CALN1: variants seen among roughly 807,000 people sequenced by gnomAD.
CALN1 encodes calcium-binding protein 8.
CALN1 carries 17 observed loss-of-function variants against 30.6 expected under a neutral mutation model. That is an observed-to-expected ratio of 0.56 (90% CI 0.38 to 0.83). CALN1 has a LOEUF of 0.83. CALN1 is among the 40% of genes least tolerant of loss of function. CALN1 has a pLI of 0.00. For synonymous variants in CALN1, 156 were observed against 131.4 expected (o/e 1.19, Z -1.28); for missense variants, 291 against 354.9 (o/e 0.82, Z 1.45).
the CALN1 span, among the ~76,000 whole-genome samples, chr7:72,486,980 G>A: frequency 6.6e-6 from 1 of 152,118 alleles, no homozygotes; most frequent in Non-Finnish European, 1.5e-5. Flanking sequence ...CACATTCACG[G>A]GAGTATTCTT....
chr7:72,321,656 G>T (rs1052663911), intron 2 of CALN1, among the ~76,000 whole-genome samples: 1 of 152,180 alleles, frequency 6.6e-6, no homozygotes, highest in Non-Finnish European at 1.5e-5. Context: ...ACTAAAGTTG[G>T]TGAGGTGCCT....
At chr7:72,113,475 G>A (rs745801057) in intron 3 of CALN1, among the ~76,000 whole-genome samples, 3 of 152,168 alleles carry the variant, frequency 2.0e-5, no homozygotes, top group Non-Finnish European at 4.4e-5. Flanking sequence ...AAATTATCTA[G>A]CTTCAGGTTT....
At chr7:72,068,846 C>T (rs1283250290) in intron 4 of CALN1, among the ~76,000 whole-genome samples, 1 of 152,044 alleles carries the variant, frequency 6.6e-6, no homozygotes, top group East Asian at 1.9e-4. Flanking sequence ...AGCTACCTGA[C>T]ACAAGATGAT....
At chr7:71,804,548 G>A (rs931793355) in intron 6 of CALN1, among the ~76,000 whole-genome samples, 3 of 152,198 alleles carry the variant, frequency 2.0e-5, no homozygotes, top group African/African-American at 2.4e-5. Flanking sequence ...ACTGGGTGCC[G>A]TGGCTCATGC....
chr7:72,328,561 C>T (rs931792475), intron 2 of CALN1, among the ~76,000 whole-genome samples: 9 of 152,330 alleles, frequency 5.9e-5, no homozygotes, highest in African/African-American at 2.2e-4. Flanking sequence ...ATACGATGAG[C>T]ATCCTGTGTT....
At chr7:72,082,142 G>A (rs749051906) in intron 4 of CALN1, among the ~76,000 whole-genome samples, 3 of 151,892 alleles carry the variant, frequency 2.0e-5, no homozygotes, top group East Asian at 1.9e-4. Context: ...ATGTGCCACC[G>A]GGCCGGCTAA....
At chr7:72,131,116 G>A (rs1046005328) in intron 3 of CALN1, among the ~76,000 whole-genome samples, 7 of 152,090 alleles carry the variant, frequency 4.6e-5, no homozygotes, top group African/African-American at 1.2e-4. Context: ...TAAAGCACTC[G>A]TGAAGGGGCA....
chr7:71,997,323 A>G (rs1038483680), intron 5 of CALN1, among the ~76,000 whole-genome samples: 9 of 152,154 alleles, frequency 5.9e-5, no homozygotes, highest in Non-Finnish European at 4.4e-5. Flanking sequence ...ATAGGAGAGT[A>G]GAGGACAGAT....
At chr7:71,854,403 A>G (rs1056497070) in intron 5 of CALN1, among the ~76,000 whole-genome samples, 1 of 152,132 alleles carries the variant, frequency 6.6e-6, no homozygotes. Context: ...GAAGGAAAGA[A>G]AAAAAGAAAC....
chr7:72,431,458 C>A (rs77659298), intron 1 of CALN1, among the ~76,000 whole-genome samples: 360 of 152,240 alleles, frequency 2.4e-3, no homozygotes, highest in African/African-American at 8.1e-3. Context: ...CTTAACACTG[C>A]AGCAGCCTCT....
chr7:71,934,813 C>T (rs1795743641), intron 5 of CALN1, among the ~76,000 whole-genome samples: 1 of 152,114 alleles, frequency 6.6e-6, no homozygotes, highest in South Asian at 2.1e-4. Context: ...GGGGAGACCT[C>T]GCAATCATGG....
intron 5 of CALN1, among the ~76,000 whole-genome samples, chr7:71,888,044 G>T (rs1793016873): frequency 1.3e-5 from 2 of 152,040 alleles, no homozygotes; most frequent in South Asian, 4.2e-4. Context: ...ATGAGTCTGG[G>T]CGTAGAAAGA....
intron 1 of CALN1, among the ~76,000 whole-genome samples, chr7:72,444,048 C>T (rs1240227068): frequency 6.6e-6 from 1 of 151,304 alleles, no homozygotes; most frequent in Non-Finnish European, 1.5e-5. Context: ...ATCAATGACT[C>T]TCCCCAGTAG....
At chr7:72,405,198 G>C (rs769451349) in intron 1 of CALN1, among the ~76,000 whole-genome samples, 1 of 152,176 alleles carries the variant, frequency 6.6e-6, no homozygotes, top group South Asian at 2.1e-4. Context: ...CTTAAAGAGA[G>C]TAAGTGTCTC....
intron 3 of CALN1, among the ~76,000 whole-genome samples, chr7:72,228,236 G>A (rs964200433): frequency 2.6e-5 from 4 of 151,792 alleles, no homozygotes; most frequent in Non-Finnish European, 4.4e-5. Context: ...AGTGTTTCCA[G>A]GGACTAGAAG....
chr7:71,925,189 T>C (rs985250191), intron 5 of CALN1, among the ~76,000 whole-genome samples: 14 of 151,906 alleles, frequency 9.2e-5, no homozygotes, highest in Middle Eastern at 6.8e-3. Context: ...TGCAGTGAGC[T>C]GAGATTGTGC....
chr7:71,950,055 C>A (rs1796611286), intron 5 of CALN1, among the ~76,000 whole-genome samples: 1 of 152,164 alleles, frequency 6.6e-6, no homozygotes, highest in Non-Finnish European at 1.5e-5. Flanking sequence ...AGCCACCGTG[C>A]CTGGCCACTT....
At chr7:71,792,607 C>T (rs1296832406) in intron 6 of CALN1, among the ~76,000 whole-genome samples, 1 of 152,006 alleles carries the variant, frequency 6.6e-6, no homozygotes, top group Non-Finnish European at 1.5e-5. Context: ...ACAAAGATAC[C>T]AAGTCCCAGG....
intron 5 of CALN1, among the ~76,000 whole-genome samples, chr7:71,823,890 G>T (rs1244420954): frequency 3.9e-5 from 6 of 152,158 alleles, no homozygotes. Context: ...GTAAGAGAGA[G>T]AACTTGTGCA....
Sources: allele counts gnomAD v4.1 joint callset (sites outside exome capture counted in the v4.1 genomes callset), GRCh38; gene constraint gnomAD v4.1.1; transcripts MANE v1.5; gene names NCBI Gene and HGNC (gene_info 2026-07-23, HGNC 2026-07-21).